Variants in TMTC1 observed in about 807,000 individuals in gnomAD.
TMTC1 encodes the protein transmembrane O-mannosyltransferase targeting cadherins 1.
A neutral mutation model predicts 104.8 loss-of-function variants in TMTC1; 73 were observed. That is an observed-to-expected ratio of 0.70 (90% CI 0.58 to 0.85). TMTC1 has a LOEUF of 0.85. Ranked by LOEUF, TMTC1 falls within the 40% of genes least tolerant of loss-of-function variation. TMTC1 has a pLI of 0.00. For synonymous variants in TMTC1, 434 were observed against 428.7 expected (o/e 1.01, Z -0.15); for missense variants, 1,035 against 1,096.1 (o/e 0.94, Z 0.79).
At chr12:29,587,266 G>A (rs1946162796) in intron 7 of TMTC1, among the ~76,000 whole-genome samples, 1 of 152,042 alleles carries the variant, frequency 6.6e-6, no homozygotes. Context: ...GTATTTCTGT[G>A]AGATCGGTGG....
chr12:29,522,025 G>A (rs537407943), intron 11 of TMTC1, among the ~76,000 whole-genome samples: 26 of 152,230 alleles, frequency 1.7e-4, no homozygotes, highest in African/African-American at 4.1e-4. Context: ...AGCTGCGATG[G>A]TCATGTAAAA....
chr12:29,762,543 A>G (rs1943376016), intron 2 of TMTC1, among the ~76,000 whole-genome samples: 1 of 152,266 alleles, frequency 6.6e-6, no homozygotes, highest in Admixed American at 6.5e-5. Context: ...AAATCTACAT[A>G]AAACATAACT....
At chr12:29,584,753 T>C (rs949495626) in intron 7 of TMTC1, among the ~76,000 whole-genome samples, 3 of 151,998 alleles carry the variant, frequency 2.0e-5, no homozygotes, top group African/African-American at 7.3e-5. Context: ...TCCATGTCCC[T>C]ACAAAGGACA....
intron 5 of TMTC1, among the ~76,000 whole-genome samples, chr12:29,675,589 TACACACACAC>T (rs10605906): frequency 0.21 from 24,024 of 116,464 alleles, 2,087 homozygotes; most frequent in East Asian, 0.45. Flanking sequence ...CACATGCAAA[TACACACACAC>T]ACACACACAC....
chr12:29,720,216 C>A (rs1437129519), intron 5 of TMTC1, among the ~76,000 whole-genome samples: 1 of 152,202 alleles, frequency 6.6e-6, no homozygotes, highest in Non-Finnish European at 1.5e-5. Context: ...CATTTCACAA[C>A]ACTAAATCCA....
chr12:29,711,956 C>T (rs1361898833), intron 5 of TMTC1, among the ~76,000 whole-genome samples: 1 of 141,910 alleles, frequency 7.0e-6, no homozygotes, highest in Non-Finnish European at 1.5e-5. Context: ...GCAGTGAGCC[C>T]AGATCGTGCC....
intron 8 of TMTC1, among the ~76,000 whole-genome samples, chr12:29,572,666 T>C (rs958085385): frequency 3.9e-5 from 6 of 152,214 alleles, no homozygotes; most frequent in Non-Finnish European, 5.9e-5. Context: ...TCCTAATTTA[T>C]GGTGCAGGGA....
At chr12:29,758,879 A>G (rs899409069) in intron 2 of TMTC1, 102 bp from the exon 3 acceptor site, 4 of 1,001,132 alleles carry the variant, frequency 4.0e-6, no homozygotes, top group South Asian at 3.6e-5. Flanking sequence ...AGATAAATGG[A>G]AGATATAATA....
chr12:29,668,187 G>T (rs527259631), intron 5 of TMTC1, among the ~76,000 whole-genome samples: 1 of 152,338 alleles, frequency 6.6e-6, no homozygotes, highest in East Asian at 1.9e-4. Flanking sequence ...ACAAAGAACA[G>T]AAATTTATTT....
chr12:29,715,989 A>AT, intron 5 of TMTC1, among the ~76,000 whole-genome samples: 1 of 21,190 alleles, frequency 4.7e-5, no homozygotes, highest in Non-Finnish European at 1.6e-4. Flanking sequence ...CAAACTCAGT[A>AT]TTATTATTAT....
chr12:29,724,947 G>A (rs1474756596), intron 5 of TMTC1, among the ~76,000 whole-genome samples: 1 of 147,618 alleles, frequency 6.8e-6, no homozygotes, highest in African/African-American at 2.5e-5. Context: ...ATGGCACGAA[G>A]TTCAAATGTT....
chr12:29,516,271 G>T, intron 15 of TMTC1, 78 bp downstream of exon 15: 1 of 1,501,082 alleles, frequency 6.7e-7, no homozygotes, highest in Non-Finnish European at 9.0e-7. Flanking sequence ...TTATAAACAC[G>T]CAAACTGGAG....
Position 29,558,379 on chromosome 12 carries a change from G to T in TMTC1, c.1533-1379C>A, listed in dbSNP as rs1404556571. Among the ~76,000 whole-genome samples the T allele has an allele frequency of 2.0e-5, 3 of 152,136 alleles. No individual in the cohort carries two copies. The East Asian group carries it at 5.8e-4, about 29-fold the overall frequency. On this transcript the variant is annotated intron_variant, in intron 9 of 17. Transcript: ENST00000539277. ...TCTAAGAAGATCAGTTTAATTCTGG[G>T]ACAGAAGAGGTTCCTATTAAAAGGA...
chr12:29,678,106 T>G (rs1045602700), intron 5 of TMTC1, among the ~76,000 whole-genome samples: 7 of 152,218 alleles, frequency 4.6e-5, no homozygotes, highest in Admixed American at 6.5e-5. Context: ...ATTCTGAAAC[T>G]CATTTACTGA....
At chr12:29,747,780 T>A (rs1942991915) in intron 5 of TMTC1, among the ~76,000 whole-genome samples, 1 of 152,178 alleles carries the variant, frequency 6.6e-6, no homozygotes, top group African/African-American at 2.4e-5. Context: ...CAGGCACCAA[T>A]TACATGCTTA....
At chr12:29,684,081 C>T (rs1941013274) in intron 5 of TMTC1, among the ~76,000 whole-genome samples, 1 of 152,176 alleles carries the variant, frequency 6.6e-6, no homozygotes, top group African/African-American at 2.4e-5. Flanking sequence ...TGAGTTCAAG[C>T]AATCCGCCTG....
intron 5 of TMTC1, among the ~76,000 whole-genome samples, chr12:29,656,893 C>T (rs1281689783): frequency 6.6e-6 from 1 of 152,172 alleles, no homozygotes; most frequent in African/African-American, 2.4e-5. Flanking sequence ...AACCCTACCA[C>T]TTAATGCCCT....
chr12:29,652,750 T>TA (rs1288400521), intron 5 of TMTC1, among the ~76,000 whole-genome samples: 3 of 152,140 alleles, frequency 2.0e-5, no homozygotes, highest in Admixed American at 2.0e-4. Flanking sequence ...TCTATAACAA[T>TA]AAAGTGTAAT....
At chr12:29,687,826 A>C (rs1421389072) in intron 5 of TMTC1, among the ~76,000 whole-genome samples, 1 of 152,212 alleles carries the variant, frequency 6.6e-6, no homozygotes, top group Non-Finnish European at 1.5e-5. Context: ...ATGCATGCAC[A>C]TGTGTGGTGA....
Sources: gnomAD v4.1 joint callset for allele counts (sites outside exome capture counted in the v4.1 genomes callset) on GRCh38, gnomAD v4.1.1 for gene constraint, MANE v1.5 for transcripts, NCBI Gene and HGNC (gene_info 2026-07-23, HGNC 2026-07-21) for gene names.